The following IRAK3 variants were observed in gnomAD, a reference collection of about 807,000 sequenced individuals.
The protein encoded by IRAK3 is interleukin-1 receptor-associated kinase 3.
Under a neutral mutation model 56.6 loss-of-function variants are expected in IRAK3, and 57 were observed. The observed-to-expected ratio is 1.01, with a 90% CI of 0.81 to 1.26. The LOEUF (loss-of-function observed/expected upper bound fraction) is 1.26. Among genes scored for constraint, IRAK3 ranks in the 50% most tolerant of loss-of-function variants. The probability of loss-of-function intolerance (pLI) is 0.00; values close to 1 mark genes in which losing one functional copy is unlikely to be tolerated. For missense variants in IRAK3, 703 were observed against 719.0 expected, an observed-to-expected ratio of 0.98 and a Z score of 0.25; for synonymous variants, 258 against 255.7, an observed-to-expected ratio of 1.01 and a Z score of -0.09.
chr12:66,219,138 G>A (rs2052706717), intron 6 of IRAK3, among the ~76,000 whole-genome samples: 2 of 152,050 alleles, frequency 1.3e-5, no homozygotes, highest in African/African-American at 4.8e-5. Context: ...CTTGGTTACT[G>A]TGAATAATGC....
At chr12:66,189,579 C>T (rs1018905926) in intron 1 of IRAK3, 147 bp downstream of exon 1, 20 of 399,666 alleles carry the variant, frequency 5.0e-5, no homozygotes, top group Non-Finnish European at 6.5e-5. Context: ...CCCTCCTTTC[C>T]TGGGTTGGAT....
At chr12:66,214,232 G>A (rs1476276707) in intron 5 of IRAK3, among the ~76,000 whole-genome samples, 1 of 151,930 alleles carries the variant, frequency 6.6e-6, no homozygotes, top group Non-Finnish European at 1.5e-5. Context: ...GCAAGAGCTA[G>A]CTGGAGGCAG....
chr12:66,247,671 G>A (rs771973190), intron 11 of IRAK3, 24 bp from the exon 12 acceptor site: 1 of 1,367,166 alleles, frequency 7.3e-7, no homozygotes. Flanking sequence ...TTAATTTAAT[G>A]TCTGTTTGCT....
At position 66,252,906 on chromosome 12, in the gene IRAK3, G is replaced by T. The variant is rs959534602; in HGVS notation, c.*4735G>T. 19 of 152,194 alleles carry T rather than the reference G, an allele frequency of 1.2e-4. No individual in the cohort carries two copies. Among genetic ancestry groups the T allele is most frequent in the African/African-American group, 4.6e-4 (19 of 41,440 alleles). 9.4% of individuals were successfully genotyped at this position (152,194 alleles called of 1,614,324 possible). ...GTGGTTTCTTTGGGGCATTTGTTTG[G>T]ATACTGATGGCATCTTCCGGGGGTC... is the stretch of plus-strand genomic sequence containing the variant. On this transcript the variant is annotated 3_prime_UTR_variant, in exon 12 of 12. Transcript: ENST00000261233.
At chr12:66,211,707 T>C in intron 5 of IRAK3, 110 bp downstream of exon 5, 1 of 933,988 alleles carries the variant, frequency 1.1e-6, no homozygotes, top group South Asian at 1.4e-5. Flanking sequence ...GAAAATAAAA[T>C]TTTATAAGTG....
At position 66,191,252 on chromosome 12, in the gene IRAK3, G is replaced by A. The variant is rs574965648; in HGVS notation, c.133+1820G>A. 2.0e-5 allele frequency among the ~76,000 whole-genome samples: 3 copies of A among 147,832 alleles called. No individual in the cohort carries two copies. In the South Asian group the frequency reaches 6.7e-4, roughly 33 times the overall value. On this transcript the variant is annotated intron_variant, in intron 1 of 11. Transcript: ENST00000261233. ...GGCTTTCTCTGGTTGGCCCTAAGTT[G>A]GAAGTAGGAGCAAAAATTGAGGAAG...
rs780131796 is a variant in IRAK3 at position 66,228,381 on chromosome 12, C to T, written c.887+11C>T. On this transcript the variant is annotated intron_variant, in intron 8 of 11. Coordinates refer to ENST00000261233, the MANE Select transcript of IRAK3 (RefSeq NM_007199.3). ...TGGCAGTATATCAAGGTAAATTATT[C>T]CAGAGCTTTTGGTTATACCTGAAAG... The T allele has an allele frequency of 2.5e-6, 4 of 1,586,038 alleles. No individual in the cohort carries two copies. The highest frequency in any genetic ancestry group is 3.5e-6 in the Non-Finnish European group (4 of 1,154,404).
At chr12:66,213,658 T>C (rs912712740) in intron 5 of IRAK3, among the ~76,000 whole-genome samples, 6 of 152,042 alleles carry the variant, frequency 3.9e-5, no homozygotes, top group Non-Finnish European at 5.9e-5. Context: ...TTTTAACAAA[T>C]GTACCTCACT....
intron 8 of IRAK3, among the ~76,000 whole-genome samples, chr12:66,229,994 G>C (rs1436541707): frequency 6.6e-6 from 1 of 152,202 alleles, no homozygotes; most frequent in Non-Finnish European, 1.5e-5. Flanking sequence ...CCTGAATGCA[G>C]AGTTTGAAGA....
intron 8 of IRAK3, among the ~76,000 whole-genome samples, chr12:66,235,820 G>T (rs1414683028): frequency 6.6e-6 from 1 of 152,116 alleles, no homozygotes; most frequent in Non-Finnish European, 1.5e-5. Flanking sequence ...TTTGGTTGGA[G>T]AACCTATAGC....
intron 1 of IRAK3, chr12:66,197,153 A>C: frequency 7.9e-7 from 1 of 1,267,994 alleles, no homozygotes; most frequent in Admixed American, 4.1e-5. Context: ...GACTTTCAAC[A>C]AAGATTTGTG....
chr12:66,232,482 G>A (rs182671827), intron 8 of IRAK3, among the ~76,000 whole-genome samples: 2 of 152,282 alleles, frequency 1.3e-5, no homozygotes, highest in East Asian at 1.9e-4. Flanking sequence ...ATGCACACCT[G>A]TTCTCTAGAA....
chr12:66,235,371 G>A, intron 8 of IRAK3: 1 of 1,014,868 alleles, frequency 9.9e-7, no homozygotes. Context: ...ACGCAAGGAG[G>A]GGGCCGGCCG....
In IRAK3 at chr12:66,242,836, G is replaced by A. The variant is rs533853648; in HGVS notation, c.888-1650G>A. On this transcript the variant is annotated intron_variant, in intron 8 of 11. Coordinates refer to ENST00000261233, the MANE Select transcript of IRAK3 (RefSeq NM_007199.3). ...TGCCTGTAATCCCAGCACTTCGGGA[G>A]GCCGAGGCGGGTGGATCACCTGAAG... Among the ~76,000 whole-genome samples, 7 of 152,346 alleles carry A rather than the reference G, an allele frequency of 4.6e-5. No homozygotes were observed. The South Asian group carries it at 1.2e-3, about 27-fold the overall frequency.
At position 66,217,249 on chromosome 12, in the gene IRAK3, C is replaced by A. The variant is rs181285382; in HGVS notation, c.653+14C>A. On this transcript the variant is annotated intron_variant, in intron 6 of 11. Coordinates refer to ENST00000261233, the MANE Select transcript of IRAK3 (RefSeq NM_007199.3). ...AGTTTTACTACTGTGAGTATGTTTT[C>A]TCTGGAATTTCCTCCTCTTTGTGCC... is the stretch of plus-strand genomic sequence containing the variant. 281 of 1,585,734 alleles carry A rather than the reference C, an allele frequency of 1.8e-4. No homozygotes were observed. The African/African-American group carries it at 3.3e-3, about 19-fold the overall frequency.
In IRAK3 at chr12:66,254,248, T is replaced by A. The variant is rs1269021337; in HGVS notation, c.*6077T>A. The A allele has an allele frequency of 6.6e-6, 1 of 152,202 alleles. No individual in the cohort carries two copies. Among genetic ancestry groups the A allele is most frequent in the Non-Finnish European group, 1.5e-5 (1 of 68,008 alleles). The allele number at this position is 152,202 out of a possible 1,614,324, so 9.4% of individuals were successfully genotyped here. ...ATGAGCCCAAAGGTATATTTCATGATGTTTATGATATTAAAACATTGGAAA... is the reference window on the plus strand; with the variant it reads ...ATGAGCCCAAAGGTATATTTCATGAAGTTTATGATATTAAAACATTGGAAA... On this transcript the variant is annotated 3_prime_UTR_variant, in exon 12 of 12. Transcript: ENST00000261233.
intron 2 of IRAK3, among the ~76,000 whole-genome samples, chr12:66,204,487 G>A (rs2052538252): frequency 6.6e-6 from 1 of 152,014 alleles, no homozygotes; most frequent in Admixed American, 6.6e-5. Context: ...CTGGGTCTGT[G>A]TCATGCCTTA....
At chr12:66,231,007 A>G (rs2052838556) in intron 8 of IRAK3, among the ~76,000 whole-genome samples, 1 of 152,204 alleles carries the variant, frequency 6.6e-6, no homozygotes, top group South Asian at 2.1e-4. Flanking sequence ...AAATGGCATA[A>G]GGTCCTTGAC....
chr12:66,204,730 T>G (rs2052540666), intron 2 of IRAK3, among the ~76,000 whole-genome samples: 1 of 151,672 alleles, frequency 6.6e-6, no homozygotes, highest in African/African-American at 2.4e-5. Context: ...TTTTGTGTAT[T>G]TGCACACATG....
Sources: allele counts gnomAD v4.1 joint callset (sites outside exome capture counted in the v4.1 genomes callset), GRCh38; gene constraint gnomAD v4.1.1; transcripts MANE v1.5; gene names NCBI Gene and HGNC (gene_info 2026-07-23, HGNC 2026-07-21).